Variants in ELMOD2 observed in about 807,000 individuals in gnomAD.
ELMOD2 encodes ELMO domain containing 2.
A neutral mutation model predicts 41.0 loss-of-function variants in ELMOD2; 28 were observed. That is an observed-to-expected ratio of 0.68 (90% confidence interval 0.51 to 0.94). The LOEUF (loss-of-function observed/expected upper bound fraction) is 0.94, where lower values mean the gene tolerates loss of function less well. Ranked by LOEUF, ELMOD2 falls within the 40% of genes least tolerant of loss-of-function variation. The pLI, the probability that ELMOD2 is intolerant of heterozygous loss-of-function variation, is 0.00. For synonymous variants in ELMOD2, 106 were observed against 107.2 expected (o/e 0.99, Z 0.07); for missense variants, 333 against 343.1 (o/e 0.97, Z 0.23).
intron 8 of ELMOD2, among the ~76,000 whole-genome samples, chr4:140,546,325 G>A (rs1011770380): frequency 9.2e-5 from 14 of 151,964 alleles, no homozygotes; most frequent in African/African-American, 2.9e-4. Flanking sequence ...ATCACACACC[G>A]GGGCCTGTTG....
At chr4:140,532,438 A>G (rs1734782158) in intron 3 of ELMOD2, among the ~76,000 whole-genome samples, 1 of 152,166 alleles carries the variant, frequency 6.6e-6, no homozygotes, top group Non-Finnish European at 1.5e-5. Flanking sequence ...AAGTGCTGGG[A>G]TTACAGGCAT....
At position 140,552,650 on chromosome 4, in the gene ELMOD2, C is replaced by T. The variant is rs924100056; in HGVS notation, c.*2275C>T. 6.6e-6 allele frequency: 1 copy of T among 152,020 alleles called. No individual in the cohort carries two copies. Among genetic ancestry groups the T allele is most frequent in the African/African-American group, 2.4e-5 (1 of 41,428 alleles). The allele number at this position is 152,020 out of a possible 1,614,324, so 9.4% of individuals were successfully genotyped here. ...TGGAATTTTACATAGTCTTAAAATC[C>T]ATATTTAGAATCTTACCTGTTTCTA... On this transcript the variant is annotated 3_prime_UTR_variant, in exon 9 of 9. Transcript: ENST00000323570.
chr4:140,534,164 A>G (rs1318255237), intron 3 of ELMOD2, among the ~76,000 whole-genome samples: 2 of 152,208 alleles, frequency 1.3e-5, no homozygotes, highest in African/African-American at 4.8e-5. Flanking sequence ...TACCAGGAGA[A>G]TGAATAAGCA....
intron 3 of ELMOD2, among the ~76,000 whole-genome samples, chr4:140,528,700 A>G (rs1310873126): frequency 6.6e-6 from 1 of 152,140 alleles, no homozygotes; most frequent in Non-Finnish European, 1.5e-5. Context: ...CATATCTGTT[A>G]TGTTCTGAAG....
chr4:140,551,563 G>A lies in ELMOD2; in HGVS notation c.*1188G>A, dbSNP rs1021168328. 12 of 151,920 alleles carry A rather than the reference G, an allele frequency of 7.9e-5. No individual in the cohort carries two copies. The highest frequency in any genetic ancestry group is 3.9e-4 in the Admixed American group (6 of 15,230). The allele number at this position is 151,920 out of a possible 1,614,324, so 9.4% of individuals were successfully genotyped here. A position where few individuals can be genotyped will look rare whatever the true frequency, so the allele number is the denominator to read the frequency against. On this transcript the variant is annotated 3_prime_UTR_variant, in exon 9 of 9. Transcript: ENST00000323570. The stretch of plus-strand genomic sequence containing the variant: ...TATGGGAATGATTTCTTCTTGGTGC[G>A]TTTTACACATTTGTACTGATAGCAA...
In ELMOD2 at chr4:140,535,830, G is replaced by C; in HGVS notation, c.269G>C (p.Ser90Thr). 1 of 1,594,508 alleles carries C rather than the reference G, an allele frequency of 6.3e-7. No homozygotes were observed. Among genetic ancestry groups the C allele is most frequent in the Non-Finnish European group, 8.5e-7 (1 of 1,175,060 alleles). The change falls in exon 4 of 9, where the codon AGT becomes ACT. Residue 90 changes from serine (S) to threonine (T), a missense_variant and splice_region_variant. By Grantham distance (58) the Ser-to-Thr change is moderately conservative. Transcript: ENST00000323570. ...EKNINPEKDA[S>T]FKICMKMCLL... ...AATATTAACCCTGAGAAGGATGCCAGGTGTGCGTTTTTTACATTATTCTTT... is the reference window on the plus strand; with the variant it reads ...AATATTAACCCTGAGAAGGATGCCACGTGTGCGTTTTTTACATTATTCTTT...
intron 3 of ELMOD2, among the ~76,000 whole-genome samples, chr4:140,531,436 C>A (rs1317734445): frequency 6.6e-6 from 1 of 152,130 alleles, no homozygotes; most frequent in Non-Finnish European, 1.5e-5. Context: ...GTCTGGCTTC[C>A]ATGCAATATA....
intron 1 of ELMOD2, 51 bp from the exon 2 acceptor site, chr4:140,525,369 A>T (rs1734525908): frequency 1.3e-6 from 2 of 1,544,780 alleles, no homozygotes; most frequent in African/African-American, 2.8e-5. Context: ...TTTAAATTTT[A>T]AAATTCAGTT....
intron 3 of ELMOD2, among the ~76,000 whole-genome samples, chr4:140,533,827 C>CGT (rs143456040): frequency 1.0e-3 from 158 of 150,668 alleles, no homozygotes; most frequent in Middle Eastern, 6.9e-3. Flanking sequence ...TGTATATATA[C>CGT]GTGTGTGTGT....
At chr4:140,547,933 C>T (rs183885150) in intron 8 of ELMOD2, among the ~76,000 whole-genome samples, 31 of 152,286 alleles carry the variant, frequency 2.0e-4, no homozygotes, top group Middle Eastern at 3.4e-3. Context: ...ATTCTTATGC[C>T]AAGGATGGCC....
rs1469244047 is a variant in ELMOD2 at position 140,551,676 on chromosome 4, A to G, written c.*1301A>G. On this transcript the variant is annotated 3_prime_UTR_variant, in exon 9 of 9. Coordinates refer to ENST00000323570, the MANE Select transcript of ELMOD2 (RefSeq NM_153702.4). ...AGGACATAATTTCATCTAAAACATGACGATATTTAGCACACCTTTTAATGT... is the reference window on the plus strand; with the variant it reads ...AGGACATAATTTCATCTAAAACATGGCGATATTTAGCACACCTTTTAATGT... The G allele has an allele frequency of 2.0e-5, 3 of 152,124 alleles. No homozygotes were observed. Among genetic ancestry groups the G allele is most frequent in the East Asian group, 1.9e-4 (1 of 5,202 alleles). The allele number at this position is 152,124 out of a possible 1,614,324, so 9.4% of individuals were successfully genotyped here.
rs557801753 is a variant in ELMOD2 at position 140,535,849 on chromosome 4, A to G, written c.269+19A>G. On this transcript the variant is annotated intron_variant, in intron 4 of 8. Transcript: ENST00000323570. ...ATGCCAGGTGTGCGTTTTTTACATTATTCTTTTTTATTATGCATTTATAGC... is the reference window on the plus strand; with the variant it reads ...ATGCCAGGTGTGCGTTTTTTACATTGTTCTTTTTTATTATGCATTTATAGC... The G allele has an allele frequency of 2.5e-6, 4 of 1,584,072 alleles. No individual in the cohort carries two copies. In the East Asian group the frequency reaches 6.7e-5, roughly 27 times the overall value.
chr4:140,530,774 T>C (rs972231142), intron 3 of ELMOD2, among the ~76,000 whole-genome samples: 4 of 152,148 alleles, frequency 2.6e-5, no homozygotes, highest in African/African-American at 9.6e-5. Flanking sequence ...AATTTATGTG[T>C]GTATTGCACC....
At position 140,525,505 on chromosome 4, in the gene ELMOD2, C is replaced by G; in HGVS notation, c.77C>G (p.Thr26Ser). The G allele has an allele frequency of 6.2e-7, 1 of 1,613,902 alleles. No homozygotes were observed. Among genetic ancestry groups the G allele is most frequent in the Non-Finnish European group, 8.5e-7 (1 of 1,179,944 alleles). ...ATGAAATGGCTATTACGACAGATGA[C>G]TGGGAAGTGTGAATTGCAGCGAATA... ...FWMKWLLRQM[T>S]GKCELQRIFD... is the part of the protein sequence containing the mutation. Residue 26 changes from threonine (T) to serine (S), a missense_variant, in exon 2 of 9, where the codon ACT becomes AGT. Transcript: ENST00000323570.
chr4:140,539,936 A>G (rs996984149), intron 5 of ELMOD2, among the ~76,000 whole-genome samples: 2 of 152,164 alleles, frequency 1.3e-5, no homozygotes, highest in Admixed American at 6.5e-5. Context: ...AAATAAAGAC[A>G]TCTCATTGTT....
intron 8 of ELMOD2, among the ~76,000 whole-genome samples, chr4:140,545,680 C>T (rs906168797): frequency 6.6e-5 from 10 of 152,090 alleles, no homozygotes; most frequent in African/African-American, 2.4e-4. Flanking sequence ...TTTACCATTC[C>T]AAAGTGTTGT....
chr4:140,542,573 G>A lies in ELMOD2; in HGVS notation c.534-1G>A. The A allele has an allele frequency of 1.9e-6, 3 of 1,595,952 alleles. No individual in the cohort carries two copies. Among genetic ancestry groups the A allele is most frequent in the Non-Finnish European group, 2.6e-6 (3 of 1,169,896 alleles). ...TTGATTATTTTTCTTAAACTTTTTA[G>A]GTATTTCAGTGAAAATTACACTAGT... is the stretch of plus-strand genomic sequence containing the variant. On this transcript the variant is annotated splice_acceptor_variant, in intron 6 of 8. Coordinates refer to ENST00000323570, the MANE Select transcript of ELMOD2 (RefSeq NM_153702.4). LOFTEE classifies it high-confidence loss of function.
At chr4:140,539,474 G>A (rs1424326892) in intron 5 of ELMOD2, among the ~76,000 whole-genome samples, 3 of 151,472 alleles carry the variant, frequency 2.0e-5, no homozygotes, top group Non-Finnish European at 2.9e-5. Context: ...CCATTCTCCT[G>A]TCTCAGCCTC....
At chr4:140,526,117 A>G (rs1362684530) in intron 2 of ELMOD2, among the ~76,000 whole-genome samples, 5 of 152,248 alleles carry the variant, frequency 3.3e-5, no homozygotes, top group African/African-American at 1.2e-4. Context: ...CTGTAAGTGT[A>G]AAATATAAAC....
Sources: gnomAD v4.1 joint callset for allele counts (sites outside exome capture counted in the v4.1 genomes callset) on GRCh38, gnomAD v4.1.1 for gene constraint, MANE v1.5 for transcripts, NCBI Gene and HGNC (gene_info 2026-07-23, HGNC 2026-07-21) for gene names.